Variants in MYH8 observed in about 807,000 individuals in gnomAD.
MYH8 encodes the protein myosin-8.
MYH8 carries 168 observed loss-of-function variants against 233.2 expected under a neutral mutation model. The ratio of observed to expected loss-of-function variants is 0.72; its 90% CI spans 0.64 to 0.82. The LOEUF (loss-of-function observed/expected upper bound fraction) is 0.82, where lower values mean the gene tolerates loss of function less well. Ranked by LOEUF, MYH8 falls within the 40% of genes least tolerant of loss-of-function variation. MYH8 has a pLI of 0.00. For synonymous variants in MYH8, 785 were observed against 850.6 expected (o/e 0.92, Z 1.34); for missense variants, 1,995 against 2,327.8 (o/e 0.86, Z 2.94).
At chr17:10,395,893 G>A (rs766716905) in intron 33 of MYH8, among the ~76,000 whole-genome samples, 2 of 152,014 alleles carry the variant, frequency 1.3e-5, no homozygotes, top group African/African-American at 2.4e-5. Flanking sequence ...CCCCAGTAAA[G>A]AGAAAAACAT....
Position 10,419,111 on chromosome 17 carries a change from G to A in MYH8, c.211-81C>T. The A allele has an allele frequency of 1.3e-6, 2 of 1,523,752 alleles. No homozygotes were observed. The highest frequency in any genetic ancestry group is 2.3e-5 in the East Asian group (1 of 43,668). The allele number at this position is 1,523,752 out of a possible 1,614,324, so 94.4% of individuals were successfully genotyped here. On this transcript the variant is annotated intron_variant, in intron 3 of 39. Transcript: ENST00000403437. This position sits in a 1 kb window ranked among gnomAD's most constrained non-coding sequence, Gnocchi z 4.0. ...TTGCTTTTTTTGCCCAGGCTGGAGT[G>A]CAGTGGCGCGATCTCAGCTCACTGC...
chr17:10,419,414 G>A lies in MYH8; in HGVS notation c.211-384C>T, dbSNP rs1405944110. Among the ~76,000 whole-genome samples the A allele has an allele frequency of 6.6e-6, 1 of 152,014 alleles. No homozygotes were observed. The highest frequency in any genetic ancestry group is 1.5e-5 in the Non-Finnish European group (1 of 67,992). On this transcript the variant is annotated intron_variant, in intron 3 of 39. Coordinates refer to ENST00000403437, the MANE Select transcript of MYH8 (RefSeq NM_002472.3). The surrounding 1 kb of genome is among the most constrained non-coding windows in gnomAD (Gnocchi z 4.0). Reference sequence around the variant, plus strand: ...GGTTTATGTTTGCCTGTATATTTTGGTACAAAACTATAATCACACATACTT... The same window carrying A: ...GGTTTATGTTTGCCTGTATATTTTGATACAAAACTATAATCACACATACTT...
At chr17:10,416,828 T>A (rs1361699179) in intron 5 of MYH8, among the ~76,000 whole-genome samples, 1 of 152,184 alleles carries the variant, frequency 6.6e-6, no homozygotes, top group Non-Finnish European at 1.5e-5. Flanking sequence ...ACTGAATTAT[T>A]TTAAAGAAAA....
intron 36 of MYH8, 34 bp from the exon 37 acceptor site, chr17:10,393,035 C>T (rs2072044251): frequency 2.5e-6 from 4 of 1,614,214 alleles, no homozygotes; most frequent in Non-Finnish European, 3.4e-6. Context: ...AGTAATGAAA[C>T]TTGATGATAG....
In MYH8 at chr17:10,412,537, T is replaced by G. The variant is rs770598427; in HGVS notation, c.1267-18A>C. 1 of 1,614,172 alleles carries G rather than the reference T, an allele frequency of 6.2e-7. No homozygotes were observed. The highest frequency in any genetic ancestry group is 1.1e-5 in the South Asian group (1 of 91,082). ...TTGTACACCTTCACAGATAGAGTAA[T>G]GTTTGTTGGTATTGTTAAAGACATG... On this transcript the variant is annotated intron_variant, in intron 13 of 39. Coordinates refer to ENST00000403437, the MANE Select transcript of MYH8 (RefSeq NM_002472.3).
chr17:10,415,709 C>A lies in MYH8; in HGVS notation c.512-1G>T. ...ATCAGGATGGACTGATTCTCTCGAT[C>A]TGTGAAAGAATTCAAAATCATCCGT... On this transcript the variant is annotated splice_acceptor_variant, in intron 5 of 39. Coordinates refer to ENST00000403437, the MANE Select transcript of MYH8 (RefSeq NM_002472.3). LOFTEE classifies it high-confidence loss of function. This position sits in a 1 kb window ranked among gnomAD's most constrained non-coding sequence, Gnocchi z 4.1. 1 of 1,613,420 alleles carries A rather than the reference C, an allele frequency of 6.2e-7. No homozygotes were observed. The highest frequency in any genetic ancestry group is 8.5e-7 in the Non-Finnish European group (1 of 1,179,588).
intron 28 of MYH8, 106 bp from the exon 29 acceptor site, chr17:10,398,992 G>C: frequency 2.3e-6 from 1 of 439,840 alleles, no homozygotes; most frequent in South Asian, 2.5e-5. Flanking sequence ...ATATGTGTGT[G>C]TGTATATATA....
Position 10,412,629 on chromosome 17 carries a change from T to C in MYH8, c.1247A>G (p.Lys416Arg), listed in dbSNP as rs777815349. 6.8e-6 allele frequency: 11 copies of C among 1,614,122 alleles called. No homozygotes were observed. Among genetic ancestry groups the C allele is most frequent in the Non-Finnish European group, 9.3e-6 (11 of 1,180,052 alleles). ...ACTTACCTGCTGCACAGTCTGGCCT[T>C]TGGTGACATACTCATTGCCAACCTT... ...RVKVGNEYVT[K>R]GQTVQQVYNA... Residue 416 changes from lysine (K) to arginine (R), a missense_variant, in exon 13 of 40, where the codon AAA becomes AGA. Lys to Arg is a conservative substitution (Grantham distance 26, BLOSUM62 2). Coordinates refer to ENST00000403437, the MANE Select transcript of MYH8 (RefSeq NM_002472.3).
Position 10,418,707 on chromosome 17 carries a change from C to A in MYH8, c.449G>T (p.Arg150Leu), listed in dbSNP as rs1169419511. Residue 150 changes from arginine to leucine, a missense_variant, in exon 5 of 40, where the codon CGC (arginine) becomes CTC (leucine). This residue lies in a region of MYH8 where 479 missense variants were observed against 600.9 expected (regional missense o/e 0.80). Coordinates refer to ENST00000403437, the MANE Select transcript of MYH8 (RefSeq NM_002472.3). ...EVVAAYRGKK[R>L]QEAPPHIFSI... Reference sequence around the variant, plus strand: ...GAAGATGTGGGGCGGGGCCTCCTGGCGCTTTTTGCCTCTGTAGGCAGCCAC... The same window carrying A: ...GAAGATGTGGGGCGGGGCCTCCTGGAGCTTTTTGCCTCTGTAGGCAGCCAC... 7 of 1,613,862 alleles carry A rather than the reference C, an allele frequency of 4.3e-6. No homozygotes were observed. Among genetic ancestry groups the A allele is most frequent in the Admixed American group, 1.7e-5 (1 of 60,010 alleles).
intron 38 of MYH8, 150 bp from the exon 39 acceptor site, chr17:10,392,127 T>A: frequency 1.4e-6 from 1 of 731,350 alleles, no homozygotes; most frequent in South Asian, 1.5e-5. Context: ...ACAGTAGCAC[T>A]CTTGGTAAAT....
chr17:10,391,024 A>T (rs1205783951), intron 39 of MYH8, among the ~76,000 whole-genome samples: 2 of 152,218 alleles, frequency 1.3e-5, no homozygotes, highest in African/African-American at 4.8e-5. Context: ...ATTGCCATTT[A>T]TGCCTCTCCC....
rs1159649706 is a variant in MYH8 at position 10,406,254 on chromosome 17, G to A, written c.2295+20C>T. The A allele has an allele frequency of 2.6e-5, 42 of 1,613,914 alleles. No individual in the cohort carries two copies. The highest frequency in any genetic ancestry group is 3.4e-5 in the Non-Finnish European group (40 of 1,179,948). On this transcript the variant is annotated intron_variant, in intron 20 of 39. Transcript: ENST00000403437. ...ATGGCAGAAGGTACTTGGATCAGGT[G>A]TAAATAAATAACGATATACCTTGGT...
chr17:10,392,763 A>G, intron 37 of MYH8, 68 bp downstream of exon 37: 1 of 1,614,034 alleles, frequency 6.2e-7, no homozygotes, highest in African/African-American at 1.3e-5. Flanking sequence ...AGTCTTGTGT[A>G]GGAAGAGAGA....
chr17:10,390,552 G>C lies in MYH8; in HGVS notation c.5716C>G (p.Leu1906Val). The C allele has an allele frequency of 6.2e-7, 1 of 1,614,168 alleles. No homozygotes were observed. The highest frequency in any genetic ancestry group is 8.5e-7 in the Non-Finnish European group (1 of 1,180,006). Residue 1906 changes from leucine to valine, a missense_variant, in exon 40 of 40, where the codon CTG (leucine) becomes GTG (valine). Coordinates refer to ENST00000403437, the MANE Select transcript of MYH8 (RefSeq NM_002472.3). ...LSKFRKLQHELEEAEERADIA... is the reference protein window; with the variant it reads ...LSKFRKLQHEVEEAEERADIA... ...TCAGCCCGTTCCTCGGCCTCCTCCA[G>C]CTCATGCTGGAGTTTGCGGAATTTA...
chr17:10,414,679 AAT>A, intron 9 of MYH8, among the ~76,000 whole-genome samples, 195 bp from the exon 10 acceptor site: 1 of 152,168 alleles, frequency 6.6e-6, no homozygotes, highest in East Asian at 1.9e-4. Context: ...CTCTAGGACA[AAT>A]ATATTTTTCA....
In MYH8 at chr17:10,396,722, A is replaced by C. The variant is rs368657559; in HGVS notation, c.4363-4T>G. 6.2e-7 allele frequency: 1 copy of C among 1,614,174 alleles called. No individual in the cohort carries two copies. Among genetic ancestry groups the C allele is most frequent in the Non-Finnish European group, 8.5e-7 (1 of 1,180,040 alleles). On this transcript the variant is annotated splice_region_variant and splice_polypyrimidine_tract_variant and intron_variant, in intron 31 of 39. Transcript: ENST00000403437. This position sits in a 1 kb window ranked among gnomAD's most constrained non-coding sequence, Gnocchi z 4.2. Reference sequence around the variant, plus strand: ...TCTGCTTCCATTCTGATAGGACCTGAAAAGCAATAAATCATGAGTTGATCC... The same window carrying C: ...TCTGCTTCCATTCTGATAGGACCTGCAAAGCAATAAATCATGAGTTGATCC...
rs1174908875 is a variant in MYH8 at position 10,404,480 on chromosome 17, T to C, written c.2538A>G (p.Ala846=). 2 of 1,614,148 alleles carry C rather than the reference T, an allele frequency of 1.2e-6. No homozygotes were observed. Among genetic ancestry groups the C allele is most frequent in the South Asian group, 1.1e-5 (1 of 91,082 alleles). The change falls in exon 22 of 40, where the codon GCA becomes GCG. Residue 846 remains alanine (A), a synonymous_variant. Transcript: ENST00000403437. The part of the protein sequence containing the change: ...FFKIKPLLKS[A]ETEKEMATMK... ...TGGTGGCCATCTCTTTCTCGGTCTC[T>C]GCACTCTTGAGGAGGGGCTTAATCT...
rs2072124613 is a variant in MYH8 at position 10,400,290 on chromosome 17, T to C, written c.3735+100A>G. 1 of 1,405,390 alleles carries C rather than the reference T, an allele frequency of 7.1e-7. No individual in the cohort carries two copies. The highest frequency in any genetic ancestry group is 2.3e-5 in the East Asian group (1 of 43,930). The allele number at this position is 1,405,390 out of a possible 1,614,324, so 87.1% of individuals were successfully genotyped here. A position where few individuals can be genotyped will look rare whatever the true frequency, so the allele number is the denominator to read the frequency against. On this transcript the variant is annotated intron_variant, in intron 27 of 39. Coordinates refer to ENST00000403437, the MANE Select transcript of MYH8 (RefSeq NM_002472.3). This position sits in a 1 kb window ranked among gnomAD's most constrained non-coding sequence, Gnocchi z 4.0. ...TGGGATATATTTGGTTAGAAAATAT[T>C]TGAGTAGTGCTGTAAAATGCCTGCA...
chr17:10,392,183 T>C (rs2072032206), intron 38 of MYH8, among the ~76,000 whole-genome samples: 1 of 152,168 alleles, frequency 6.6e-6, no homozygotes, highest in South Asian at 2.1e-4. Context: ...ACACATCCTC[T>C]CCAGTCCTTA....
Sources: gnomAD v4.1 joint callset for allele counts (sites outside exome capture counted in the v4.1 genomes callset) on GRCh38, gnomAD v4.1.1 for gene constraint, gnomAD v4.1.1 regional missense constraint, Gnocchi (gnomAD v3.1) non-coding constraint, MANE v1.5 for transcripts, NCBI Gene and HGNC (gene_info 2026-07-23, HGNC 2026-07-21) for gene names.